Variants in IDO2 observed in about 807,000 individuals in gnomAD.
IDO2 encodes the protein indoleamine 2,3-dioxygenase 2, also known as indoleamine 2,3-dioxygenase-like 1 protein.
IDO2 carries 46 observed loss-of-function variants against 45.1 expected under a neutral mutation model. That is an observed-to-expected ratio of 1.02 (90% confidence interval 0.80 to 1.30). IDO2 has a LOEUF of 1.30. IDO2 is among the 50% of genes most tolerant of loss of function. The pLI is 0.00. For synonymous variants in IDO2, 218 were observed against 184.9 expected (o/e 1.18, Z -1.45); for missense variants, 544 against 491.8 (o/e 1.11, Z -1.00).
At chr8:39,991,565 C>CTTTTTTTTTT (rs61354300) in intron 8 of IDO2, among the ~76,000 whole-genome samples, 2 of 103,332 alleles carry the variant, frequency 1.9e-5, no homozygotes, top group African/African-American at 3.6e-5. Context: ...AGACTCACTT[C>CTTTTTTTTTT]TTTTTTTTTT....
intron 5 of IDO2, among the ~76,000 whole-genome samples, chr8:39,984,318 T>C (rs1808393341): frequency 6.6e-6 from 1 of 151,978 alleles, no homozygotes; most frequent in Non-Finnish European, 1.5e-5. Context: ...CTACTAAAAA[T>C]ACAAAAATTA....
chr8:40,012,863 C>A (rs1481606013), intron 9 of IDO2, among the ~76,000 whole-genome samples: 2 of 152,162 alleles, frequency 1.3e-5, no homozygotes, highest in Non-Finnish European at 2.9e-5. Flanking sequence ...TCTGGCGAGG[C>A]ACAGGCTTAC....
At chr8:39,963,508 A>C in intron 2 of IDO2, 100 bp from the exon 3 acceptor site, 1 of 679,848 alleles carries the variant, frequency 1.5e-6, no homozygotes. Context: ...AACTGCATTG[A>C]CTTGAATTCC....
chr8:40,001,626 A>C (rs921362901), intron 8 of IDO2, among the ~76,000 whole-genome samples: 1 of 151,608 alleles, frequency 6.6e-6, no homozygotes, highest in East Asian at 1.9e-4. Flanking sequence ...CTGAAGGCTG[A>C]TTTTTGTTAA....
intron 2 of IDO2, among the ~76,000 whole-genome samples, chr8:39,949,603 C>A (rs1023085171): frequency 6.6e-6 from 1 of 152,186 alleles, no homozygotes; most frequent in Non-Finnish European, 1.5e-5. Context: ...TGGAACATGG[C>A]ACTTCCAAGT....
chr8:39,989,953 C>G (rs1808477109), intron 8 of IDO2, 115 bp downstream of exon 8: 1 of 620,058 alleles, frequency 1.6e-6, no homozygotes, highest in South Asian at 2.2e-5. Flanking sequence ...ATTCATCCAC[C>G]AGATGACGCT....
chr8:40,016,201 T>C (rs1200769228), exon 11 of IDO2: 2 of 397,870 alleles, frequency 5.0e-6, no homozygotes, highest in Non-Finnish European at 8.9e-6. Context: ...GATGAGACTT[T>C]CCACGTGGTA....
At chr8:40,004,364 G>A (rs1242248744) in intron 8 of IDO2, among the ~76,000 whole-genome samples, 3 of 152,074 alleles carry the variant, frequency 2.0e-5, no homozygotes, top group East Asian at 1.9e-4. Context: ...GTATGGAGAT[G>A]TTATTATTTA....
chr8:39,965,784 T>C (rs913884699), intron 3 of IDO2, among the ~76,000 whole-genome samples: 1 of 152,074 alleles, frequency 6.6e-6, no homozygotes, highest in Non-Finnish European at 1.5e-5. Flanking sequence ...AGCCAAGATG[T>C]GCCAAGGATT....
At chr8:39,967,368 A>G (rs1808101542) in intron 3 of IDO2, among the ~76,000 whole-genome samples, 1 of 152,190 alleles carries the variant, frequency 6.6e-6, no homozygotes. Context: ...CTCAGATAAA[A>G]TTGTGAATTT....
At chr8:39,954,687 ACT>A (rs1227978645) in intron 2 of IDO2, among the ~76,000 whole-genome samples, 1 of 110,974 alleles carries the variant, frequency 9.0e-6, no homozygotes, top group Non-Finnish European at 1.7e-5. Flanking sequence ...ACAGAGTTGC[ACT>A]CTGTCACCCA....
intron 9 of IDO2, among the ~76,000 whole-genome samples, chr8:40,012,483 G>T (rs761047205): frequency 7.9e-5 from 12 of 152,134 alleles, no homozygotes; most frequent in African/African-American, 1.2e-4. Flanking sequence ...CCAAAAATCT[G>T]TCCTGATGTA....
chr8:40,002,762 A>C (rs1223605326), intron 8 of IDO2, among the ~76,000 whole-genome samples: 1 of 151,932 alleles, frequency 6.6e-6, no homozygotes, highest in Non-Finnish European at 1.5e-5. Context: ...CCTGGGTGAC[A>C]GAGTGAGGCT....
At chr8:39,939,242 C>CAAAA (rs57921420) in intron 1 of IDO2, among the ~76,000 whole-genome samples, 13 of 117,612 alleles carry the variant, frequency 1.1e-4, no homozygotes, top group Admixed American at 1.8e-4. Flanking sequence ...GACTCCATCT[C>CAAAA]AAAAAAAAAA....
chr8:39,948,091 C>T (rs1441297996), intron 1 of IDO2, among the ~76,000 whole-genome samples: 2 of 152,190 alleles, frequency 1.3e-5, no homozygotes, highest in African/African-American at 2.4e-5. Context: ...CGCCCAGCCT[C>T]GAGTGCTATT....
At chr8:39,998,933 A>T (rs1195598205) in intron 8 of IDO2, among the ~76,000 whole-genome samples, 2 of 151,922 alleles carry the variant, frequency 1.3e-5, no homozygotes, top group East Asian at 3.9e-4. Context: ...GTGAGCCACC[A>T]TGCCCAGCCC....
At chr8:39,969,531 G>A (rs1325978448) in intron 3 of IDO2, among the ~76,000 whole-genome samples, 2 of 152,098 alleles carry the variant, frequency 1.3e-5, no homozygotes, top group East Asian at 3.8e-4. Flanking sequence ...ATCCTACAAT[G>A]GCCTCTAAGT....
intron 3 of IDO2, among the ~76,000 whole-genome samples, chr8:39,968,504 T>C (rs137941882): frequency 6.6e-6 from 1 of 152,266 alleles, no homozygotes; most frequent in Non-Finnish European, 1.5e-5. Flanking sequence ...TGGACTTTCA[T>C]GTATGCAAAT....
intron 8 of IDO2, among the ~76,000 whole-genome samples, chr8:40,002,477 C>A (rs4736962): frequency 6.6e-6 from 1 of 152,228 alleles, no homozygotes; most frequent in East Asian, 1.9e-4. Flanking sequence ...CTGTTAGAAT[C>A]ATCTAGCCAA....
Sources: gnomAD v4.1 joint callset for allele counts (sites outside exome capture counted in the v4.1 genomes callset) on GRCh38, gnomAD v4.1.1 for gene constraint, MANE v1.5 for transcripts, NCBI Gene and HGNC (gene_info 2026-07-23, HGNC 2026-07-21) for gene names.